NAALADL2: variants seen among roughly 807,000 people sequenced by gnomAD.
NAALADL2 encodes the protein N-acetylated alpha-linked acidic dipeptidase like 2.
NAALADL2 carries 76 observed loss-of-function variants against 87.2 expected under a neutral mutation model. The ratio of observed to expected loss-of-function variants is 0.87; its 90% CI spans 0.72 to 1.05. The LOEUF is 1.05. Among genes scored for constraint, NAALADL2 ranks in the 50% least tolerant of loss-of-function variants. NAALADL2 has a pLI of 0.00. For missense variants in NAALADL2, 1,089 were observed against 945.8 expected (o/e 1.15, Z -1.99); for synonymous variants, 354 against 331.0 (o/e 1.07, Z -0.75).
chr3:175,100,810 G>A (rs1271007009), intron 2 of NAALADL2, among the ~76,000 whole-genome samples: 1 of 138,092 alleles, frequency 7.2e-6, no homozygotes, highest in Non-Finnish European at 1.5e-5. Context: ...TTGCACTCCA[G>A]CCTAGGCAAC....
chr3:175,017,598 C>T (rs547528347), intron 1 of NAALADL2, among the ~76,000 whole-genome samples: 2 of 152,024 alleles, frequency 1.3e-5, no homozygotes, highest in South Asian at 2.1e-4. Flanking sequence ...ATTGGTAGTC[C>T]GATTTTCCCA....
intron 5 of NAALADL2, among the ~76,000 whole-genome samples, chr3:175,330,235 T>G (rs548949035): frequency 6.6e-6 from 1 of 152,172 alleles, no homozygotes; most frequent in African/African-American, 2.4e-5. Flanking sequence ...ATGATTAGTT[T>G]AAAAATTTTG....
intron 2 of NAALADL2, among the ~76,000 whole-genome samples, chr3:174,556,060 A>C (rs1394189454): frequency 6.6e-6 from 1 of 152,008 alleles, no homozygotes; most frequent in East Asian, 1.9e-4. Flanking sequence ...GTTAGAATTC[A>C]TACATACAGA....
rs1157288289 is a variant in NAALADL2, at chr3:175,810,100, CGTT to C, written c.*6904_*6906del. 4.7e-5 allele frequency: 7 copies of C among 149,388 alleles called. No individual in the cohort carries two copies. In the East Asian group the frequency reaches 7.7e-4, roughly 16 times the overall value. The allele number at this position is 149,388 out of a possible 1,614,324, so 9.3% of individuals were successfully genotyped here. A position where few individuals can be genotyped will look rare whatever the true frequency, so the allele number is the denominator to read the frequency against. ...TGTACAGAGATTTCATTGTCATTGTCGTTGTTGTTAACTGATTTTTAATGATAT... is the reference window on the plus strand; with the variant it reads ...TGTACAGAGATTTCATTGTCATTGTCGTTGTTAACTGATTTTTAATGATAT... On this transcript the variant is annotated 3_prime_UTR_variant, in exon 14 of 14. Transcript: ENST00000454872.
intron 2 of NAALADL2, among the ~76,000 whole-genome samples, chr3:175,189,919 C>A (rs1737898311): frequency 6.6e-6 from 1 of 152,058 alleles, no homozygotes; most frequent in Non-Finnish European, 1.5e-5. Context: ...CAGAAATAAA[C>A]CCAATCATAT....
At chr3:175,098,906 T>C (rs1029466415) in intron 2 of NAALADL2, among the ~76,000 whole-genome samples, 26 of 146,268 alleles carry the variant, frequency 1.8e-4, no homozygotes, top group African/African-American at 5.0e-4. Flanking sequence ...TTTTTTTTTT[T>C]CCCTGAGCAT....
intron 5 of NAALADL2, among the ~76,000 whole-genome samples, chr3:175,384,890 T>C (rs1025747667): frequency 4.6e-5 from 7 of 152,024 alleles, no homozygotes; most frequent in African/African-American, 1.4e-4. Flanking sequence ...AGTATGAAAG[T>C]AGAGAATGCA....
intron 2 of NAALADL2, among the ~76,000 whole-genome samples, chr3:175,180,448 A>G (rs2108982117): frequency 6.6e-6 from 1 of 152,014 alleles, no homozygotes; most frequent in Non-Finnish European, 1.5e-5. Flanking sequence ...TGGGCACACA[A>G]TTTGTAAGAT....
chr3:174,882,490 CATATACATATATGTGT>C (rs1560317836), intron 1 of NAALADL2, among the ~76,000 whole-genome samples: 1 of 149,240 alleles, frequency 6.7e-6, no homozygotes, highest in Non-Finnish European at 1.5e-5. Flanking sequence ...TACATATGTG[CATATACATATATGTGT>C]ATATACATAT....
rs1463593930 is a variant in NAALADL2, at chr3:175,804,222, T to C, written c.*1019T>C. 6.6e-6 allele frequency: 1 copy of C among 151,920 alleles called. No individual in the cohort carries two copies. Among genetic ancestry groups the C allele is most frequent in the East Asian group, 1.9e-4 (1 of 5,188 alleles). The allele number at this position is 151,920 out of a possible 1,614,324, so 9.4% of individuals were successfully genotyped here. A position where few individuals can be genotyped will look rare whatever the true frequency, so the allele number is the denominator to read the frequency against. ...CAAAAAGAACTTACTATGAAAGAAA[T>C]AGTTGTTTTATCAATAAAAGCCCCT... On this transcript the variant is annotated 3_prime_UTR_variant, in exon 14 of 14. Coordinates refer to ENST00000454872, the MANE Select transcript of NAALADL2 (RefSeq NM_207015.3).
chr3:175,772,994 AT>A (rs1463932228), intron 13 of NAALADL2, among the ~76,000 whole-genome samples: 1 of 152,108 alleles, frequency 6.6e-6, no homozygotes, highest in Non-Finnish European at 1.5e-5. Context: ...GGTTTGTGTT[AT>A]TGTTCTTTTC....
chr3:174,548,285 A>G (rs1711622922), intron 1 of NAALADL2, among the ~76,000 whole-genome samples: 1 of 152,180 alleles, frequency 6.6e-6, no homozygotes, highest in Non-Finnish European at 1.5e-5. Flanking sequence ...ATAACACACC[A>G]TATGGAATTT....
At chr3:175,295,865 C>T (rs1292944813) in intron 4 of NAALADL2, among the ~76,000 whole-genome samples, 1 of 151,982 alleles carries the variant, frequency 6.6e-6, no homozygotes, top group Non-Finnish European at 1.5e-5. Flanking sequence ...TATCATTTAT[C>T]GTTCCTTGCC....
At chr3:175,498,213 A>C (rs1345223378) in intron 9 of NAALADL2, among the ~76,000 whole-genome samples, 1 of 152,162 alleles carries the variant, frequency 6.6e-6, no homozygotes, top group African/African-American at 2.4e-5. Context: ...TAGCCTCAAA[A>C]GGACAAATCT....
chr3:175,188,994 G>T (rs532035439), intron 2 of NAALADL2, among the ~76,000 whole-genome samples: 4 of 152,162 alleles, frequency 2.6e-5, no homozygotes, highest in Non-Finnish European at 4.4e-5. Context: ...GGCCTGAGAT[G>T]TGGGGATGAG....
intron 11 of NAALADL2, among the ~76,000 whole-genome samples, chr3:175,713,497 A>G (rs1257670216): frequency 1.3e-5 from 2 of 152,100 alleles, no homozygotes; most frequent in Non-Finnish European, 2.9e-5. Flanking sequence ...TGTCTGGGGA[A>G]TTGGCTGCTG....
chr3:175,216,668 C>CTT (rs3067029), intron 2 of NAALADL2, among the ~76,000 whole-genome samples: 1,163 of 87,196 alleles, frequency 0.013, 27 homozygotes, highest in Non-Finnish European at 0.022. Flanking sequence ...TTTTTCTTTT[C>CTT]TTTTTTTTTT....
At chr3:175,067,442 A>G (rs1388694017) in intron 1 of NAALADL2, among the ~76,000 whole-genome samples, 2 of 152,148 alleles carry the variant, frequency 1.3e-5, no homozygotes, top group African/African-American at 4.8e-5. Context: ...AAGGACACAG[A>G]CACTTCTCAA....
chr3:175,154,091 C>G (rs919553422), intron 2 of NAALADL2, among the ~76,000 whole-genome samples: 1 of 152,130 alleles, frequency 6.6e-6, no homozygotes, highest in Non-Finnish European at 1.5e-5. Flanking sequence ...GTGACTCCTT[C>G]TTTGAAGTGG....
Sources: gnomAD v4.1 joint callset for allele counts (sites outside exome capture counted in the v4.1 genomes callset) on GRCh38, gnomAD v4.1.1 for gene constraint, MANE v1.5 for transcripts, NCBI Gene and HGNC (gene_info 2026-07-23, HGNC 2026-07-21) for gene names.